TASP1: variants seen among roughly 807,000 people sequenced by gnomAD.
The protein encoded by TASP1 is threonine aspartase 1.
A neutral mutation model predicts 56.6 loss-of-function variants in TASP1; 16 were observed. The ratio of observed to expected loss-of-function variants is 0.28; its 90% CI spans 0.19 to 0.43. The LOEUF is 0.43. TASP1 is among the 20% of genes least tolerant of loss of function. The pLI is 1.00. For synonymous variants in TASP1, 179 were observed against 184.2 expected, an observed-to-expected ratio of 0.97 and a Z score of 0.23; for missense variants, 393 against 511.6, an observed-to-expected ratio of 0.77 and a Z score of 2.24.
intron 11 of TASP1, among the ~76,000 whole-genome samples, chr20:13,479,463 CTT>C (rs777068211): frequency 1.5e-4 from 21 of 141,708 alleles, no homozygotes; most frequent in Non-Finnish European, 1.7e-4. Context: ...TGATTTACAA[CTT>C]TTTTTTTTTT....
chr20:13,617,164 T>C (rs2048553080), intron 4 of TASP1: 1 of 419,076 alleles, frequency 2.4e-6, no homozygotes, highest in African/African-American at 2.1e-5. Context: ...ACATAAAGAC[T>C]CCATAAACAG....
At chr20:13,297,666 C>A in the TASP1 span, among the ~76,000 whole-genome samples, 1 of 152,354 alleles carries the variant, frequency 6.6e-6, no homozygotes, top group South Asian at 2.1e-4. Context: ...CACCTGTTCA[C>A]AGGATCAGTT....
At chr20:13,235,359 C>T in the TASP1 span, among the ~76,000 whole-genome samples, 1 of 152,212 alleles carries the variant, frequency 6.6e-6, no homozygotes, top group Non-Finnish European at 1.5e-5. Context: ...TGGTCATGGG[C>T]TTTGGAGTTG....
At chr20:13,510,532 G>T (rs2044289602) in intron 10 of TASP1, among the ~76,000 whole-genome samples, 1 of 152,086 alleles carries the variant, frequency 6.6e-6, no homozygotes, top group South Asian at 2.1e-4. Flanking sequence ...AATAAAAGAT[G>T]CATGGTTTTG....
chr20:13,222,880 A>C, the TASP1 span, among the ~76,000 whole-genome samples: 1 of 152,268 alleles, frequency 6.6e-6, no homozygotes, highest in Middle Eastern at 3.4e-3. Flanking sequence ...AAATCTGCTC[A>C]AACCAGGCGC....
chr20:13,279,802 A>T, the TASP1 span: 1 of 1,614,016 alleles, frequency 6.2e-7, no homozygotes, highest in Non-Finnish European at 8.5e-7. Context: ...GTACGACAGT[A>T]CCTCAGACGA....
intron 8 of TASP1, among the ~76,000 whole-genome samples, chr20:13,538,061 GGC>G (rs2045482178): frequency 1.3e-5 from 2 of 149,140 alleles, no homozygotes; most frequent in Admixed American, 1.3e-4. Flanking sequence ...GGAGTGCAAT[GGC>G]ATGATCTTGG....
At chr20:13,259,838 A>T in the TASP1 span, among the ~76,000 whole-genome samples, 5 of 152,230 alleles carry the variant, frequency 3.3e-5, no homozygotes, top group African/African-American at 1.2e-4. Flanking sequence ...CTGTGCCCCA[A>T]TACTAAGTGA....
the TASP1 span, among the ~76,000 whole-genome samples, chr20:13,173,834 G>A: frequency 6.6e-6 from 1 of 152,194 alleles, no homozygotes; most frequent in African/African-American, 2.4e-5. Flanking sequence ...CAGGGTAATA[G>A]CCTGGAGTCA....
intron 8 of TASP1, among the ~76,000 whole-genome samples, chr20:13,548,059 AG>A (rs1288918401): frequency 6.6e-6 from 1 of 152,302 alleles, no homozygotes; most frequent in East Asian, 1.9e-4. Context: ...ACCTTGACAC[AG>A]GAAGAATCTT....
chr20:13,124,240 T>G, the TASP1 span, among the ~76,000 whole-genome samples: 1 of 151,658 alleles, frequency 6.6e-6, no homozygotes, highest in Non-Finnish European at 1.5e-5. Flanking sequence ...CTCCCTCCCC[T>G]CCTGGACTCC....
At chr20:13,275,330 T>C in the TASP1 span, among the ~76,000 whole-genome samples, 1 of 152,196 alleles carries the variant, frequency 6.6e-6, no homozygotes, top group Non-Finnish European at 1.5e-5. Flanking sequence ...GTGCTTCTAC[T>C]TTTGATTTTG....
At chr20:13,632,113 C>G (rs1204644232) in intron 1 of TASP1, among the ~76,000 whole-genome samples, 1 of 148,250 alleles carries the variant, frequency 6.7e-6, no homozygotes, top group Non-Finnish European at 1.5e-5. Flanking sequence ...GCCTGTAATC[C>G]CAGCACTTTG....
intron 8 of TASP1, among the ~76,000 whole-genome samples, chr20:13,557,502 C>T (rs1224976151): frequency 6.7e-6 from 1 of 148,680 alleles, no homozygotes; most frequent in Non-Finnish European, 1.5e-5. Context: ...GTATGGTTTA[C>T]ATGGGCATAT....
the TASP1 span, among the ~76,000 whole-genome samples, chr20:13,355,640 C>T: frequency 2.6e-5 from 4 of 152,202 alleles, no homozygotes; most frequent in African/African-American, 9.7e-5. Flanking sequence ...GTGCTTTCTC[C>T]AACACTGGTA....
At chr20:13,282,953 G>C in the TASP1 span, among the ~76,000 whole-genome samples, 4 of 152,190 alleles carry the variant, frequency 2.6e-5, no homozygotes, top group Non-Finnish European at 5.9e-5. Flanking sequence ...TGCTTCCCAG[G>C]ATAGCCCACA....
the TASP1 span, among the ~76,000 whole-genome samples, chr20:13,149,424 C>A: frequency 6.6e-6 from 1 of 152,208 alleles, no homozygotes; most frequent in African/African-American, 2.4e-5. Context: ...CATTTGCATC[C>A]TGTTTAGATG....
chr20:13,376,094 T>C, the TASP1 span, among the ~76,000 whole-genome samples: 1 of 152,240 alleles, frequency 6.6e-6, no homozygotes, highest in South Asian at 2.1e-4. Context: ...ATCCCATTTG[T>C]CAATTTTGGC....
At chr20:13,233,891 A>G in the TASP1 span, among the ~76,000 whole-genome samples, 1 of 152,212 alleles carries the variant, frequency 6.6e-6, no homozygotes, top group Non-Finnish European at 1.5e-5. Context: ...CACCAGTATT[A>G]GCATCTCCTG....
Sources: allele counts gnomAD v4.1 joint callset (sites outside exome capture counted in the v4.1 genomes callset), GRCh38; gene constraint gnomAD v4.1.1; transcripts MANE v1.5; gene names NCBI Gene and HGNC (gene_info 2026-07-23, HGNC 2026-07-21).